PNPLA3: variants seen among roughly 807,000 people sequenced by gnomAD.
PNPLA3 encodes the protein patatin like domain 3, 1-acylglycerol-3-phosphate O-acyltransferase, also known as 1-acylglycerol-3-phosphate O-acyltransferase PNPLA3.
In PNPLA3, 42 loss-of-function variants were observed where a neutral mutation model predicts 43.1. That is an observed-to-expected ratio of 0.97 (90% CI 0.76 to 1.26). PNPLA3 has a LOEUF of 1.26. Ranked by LOEUF, PNPLA3 falls within the 50% of genes most tolerant of loss-of-function variation. The probability of loss-of-function intolerance (pLI) is 0.00; values close to 1 mark genes in which losing one functional copy is unlikely to be tolerated. For missense variants in PNPLA3, 647 were observed against 621.4 expected (o/e 1.04, Z -0.44); for synonymous variants, 272 against 253.6 (o/e 1.07, Z -0.69).
intron 5 of PNPLA3, among the ~76,000 whole-genome samples, chr22:43,934,948 C>T (rs554148005): frequency 1.3e-5 from 2 of 152,244 alleles, no homozygotes; most frequent in Admixed American, 6.5e-5. Context: ...CTCTCCCTCC[C>T]CAGGGTCCCC....
intron 7 of PNPLA3, among the ~76,000 whole-genome samples, chr22:43,941,719 C>T (rs921986023): frequency 6.6e-6 from 1 of 151,958 alleles, no homozygotes; most frequent in Non-Finnish European, 1.5e-5. Context: ...TGAGCCTCAG[C>T]GGTTTCATCC....
At chr22:43,930,876 G>T (rs755042312) in intron 3 of PNPLA3, among the ~76,000 whole-genome samples, 2 of 152,156 alleles carry the variant, frequency 1.3e-5, no homozygotes, top group Non-Finnish European at 2.9e-5. Flanking sequence ...TGTCAGAACT[G>T]GGGGAGTACC....
rs752036390 is a variant in PNPLA3, at chr22:43,923,907, C to T, written c.-5C>T. ...AACCCGCGCCCCCGCCCCGCCGCCG[C>T]CGCCATGTACGACGCAGAGCGCGGC... is the stretch of plus-strand genomic sequence containing the variant. On this transcript the variant is annotated 5_prime_UTR_variant, in exon 1 of 9. Coordinates refer to ENST00000216180, the MANE Select transcript of PNPLA3 (RefSeq NM_025225.3). 9.2e-6 allele frequency: 14 copies of T among 1,527,050 alleles called. No individual in the cohort carries two copies. In the Admixed American group the frequency reaches 1.2e-4, roughly 13 times the overall value. 94.6% of individuals were successfully genotyped at this position (1,527,050 alleles called of 1,614,324 possible).
chr22:43,937,218 A>G lies in PNPLA3; in HGVS notation c.925A>G (p.Ile309Val). ...DELLDHLRLSILPWDESILDT... is the reference protein window; with the variant it reads ...DELLDHLRLSVLPWDESILDT... Reference sequence around the variant, plus strand: ...GCTGCTAGACCACCTGCGTCTCAGCATCCTGCCCTGGGATGAGAGCATCCT... The same window carrying G: ...GCTGCTAGACCACCTGCGTCTCAGCGTCCTGCCCTGGGATGAGAGCATCCT... The change falls in exon 6 of 9, where the codon ATC (isoleucine) becomes GTC (valine). Residue 309 changes from isoleucine (I) to valine (V), a missense_variant. Physicochemically the swap from Ile to Val is conservative, Grantham distance 29. Coordinates refer to ENST00000216180, the MANE Select transcript of PNPLA3 (RefSeq NM_025225.3). 6.2e-7 allele frequency: 1 copy of G among 1,614,186 alleles called. No homozygotes were observed. Among genetic ancestry groups the G allele is most frequent in the Non-Finnish European group, 8.5e-7 (1 of 1,180,036 alleles).
chr22:43,927,162 G>A lies in PNPLA3; in HGVS notation c.415G>A (p.Val139Met), dbSNP rs139263664. 2.4e-5 allele frequency: 39 copies of A among 1,613,608 alleles called. No homozygotes were observed. The highest frequency in any genetic ancestry group is 3.3e-5 in the South Asian group (3 of 91,064). ...TGACTTTCGGTCCAAAGACGAAGTC[G>A]TGGATGTAAGCAGTTTGCTTATCTG... is the stretch of plus-strand genomic sequence containing the variant. ...VSDFRSKDEVVDALVCSCFIP... is the reference protein window; with the variant it reads ...VSDFRSKDEVMDALVCSCFIP... Residue 139 changes from valine to methionine, a missense_variant, in exon 2 of 9, where the codon GTG becomes ATG. Coordinates refer to ENST00000216180, the MANE Select transcript of PNPLA3 (RefSeq NM_025225.3).
chr22:43,937,085 A>G lies in PNPLA3; in HGVS notation c.792A>G (p.Ser264=). ...ICNRPQPGLK[S]SSEGMDPEVA... is the part of the protein sequence containing the mutation. Reference sequence around the variant, plus strand: ...ACAGGCCCCAGCCAGGCCTGAAGTCATCCTCAGAAGGGATGGATCCTGAGG... The same window carrying G: ...ACAGGCCCCAGCCAGGCCTGAAGTCGTCCTCAGAAGGGATGGATCCTGAGG... The change falls in exon 6 of 9, where the codon TCA becomes TCG. Residue 264 remains serine (S), a synonymous_variant. Coordinates refer to ENST00000216180, the MANE Select transcript of PNPLA3 (RefSeq NM_025225.3). The G allele has an allele frequency of 6.2e-7, 1 of 1,613,976 alleles. No homozygotes were observed. Among genetic ancestry groups the G allele is most frequent in the Non-Finnish European group, 8.5e-7 (1 of 1,180,022 alleles).
chr22:43,945,622 G>A (rs1031318084), intron 8 of PNPLA3, among the ~76,000 whole-genome samples: 2 of 152,190 alleles, frequency 1.3e-5, no homozygotes, highest in African/African-American at 4.8e-5. Flanking sequence ...GCAAAGATCC[G>A]ATTTGCTAGG....
At chr22:43,937,608 A>G (rs970634387) in intron 6 of PNPLA3, among the ~76,000 whole-genome samples, 1 of 152,026 alleles carries the variant, frequency 6.6e-6, no homozygotes, top group Non-Finnish European at 1.5e-5. Context: ...TCTCCCTAAC[A>G]TGGCACCTGA....
chr22:43,946,750 G>T lies in PNPLA3; in HGVS notation c.*368G>T. The T allele has an allele frequency of 3.8e-6, 2 of 530,664 alleles. No individual in the cohort carries two copies. Among genetic ancestry groups the T allele is most frequent in the South Asian group, 2.8e-5 (2 of 71,606 alleles). The allele number at this position is 530,664 out of a possible 1,614,324, so 32.9% of individuals were successfully genotyped here. A position where few individuals can be genotyped will look rare whatever the true frequency, so the allele number is the denominator to read the frequency against. ...GGGGCCTTGTGATGGGGGGTAGGCT[G>T]GCCCATGTGTGATCTTGTGGGGTGG... On this transcript the variant is annotated 3_prime_UTR_variant, in exon 9 of 9. Transcript: ENST00000216180.
chr22:43,939,195 G>T (rs755821823), intron 6 of PNPLA3: 3 of 182,456 alleles, frequency 1.6e-5, no homozygotes, highest in Non-Finnish European at 3.1e-5. Context: ...CAAAGTGCTG[G>T]GATGACAGGC....
At position 43,927,103 on chromosome 22, in the gene PNPLA3, C is replaced by T; in HGVS notation, c.356C>T (p.Thr119Ile). 6.2e-7 allele frequency: 1 copy of T among 1,614,242 alleles called. No homozygotes were observed. The highest frequency in any genetic ancestry group is 1.1e-5 in the South Asian group (1 of 91,088). ...TCCGGCAAAATAGGCATCTCTCTTA[C>T]CAGAGTGTCTGATGGGGAAAACGTT... ...LISGKIGISL[T>I]RVSDGENVLV... Residue 119 changes from threonine (T) to isoleucine (I), a missense_variant, in exon 2 of 9, where the codon ACC (threonine) becomes ATC (isoleucine). By Grantham distance (89) the Thr-to-Ile change is moderately conservative (BLOSUM62 -1). Transcript: ENST00000216180.
In PNPLA3 at chr22:43,947,453, C is replaced by T. The variant is rs2146795037; in HGVS notation, c.*1071C>T. On this transcript the variant is annotated 3_prime_UTR_variant, in exon 9 of 9. Coordinates refer to ENST00000216180, the MANE Select transcript of PNPLA3 (RefSeq NM_025225.3). ...AGCCAAGCACAGCAGGAGCTTCCGC[C>T]TCCTCTCCACTGGAGCACACAACTT... 1 of 157,644 alleles carries T rather than the reference C, an allele frequency of 6.3e-6. No individual in the cohort carries two copies. The highest frequency in any genetic ancestry group is 1.8e-4 in the East Asian group (1 of 5,624). 9.8% of individuals were successfully genotyped at this position (157,644 alleles called of 1,614,324 possible).
chr22:43,932,002 T>G (rs1232043861), intron 3 of PNPLA3, among the ~76,000 whole-genome samples: 1 of 152,168 alleles, frequency 6.6e-6, no homozygotes, highest in Non-Finnish European at 1.5e-5. Flanking sequence ...GCTCTGAAAT[T>G]CCTCCGTGTG....
At position 43,946,386 on chromosome 22, in the gene PNPLA3, A is replaced by G. The variant is rs751698167; in HGVS notation, c.*4A>G. 2.0e-5 allele frequency: 33 copies of G among 1,612,884 alleles called. No individual in the cohort carries two copies. In the African/African-American group the frequency reaches 4.1e-4, roughly 20 times the overall value. On this transcript the variant is annotated 3_prime_UTR_variant, in exon 9 of 9. Coordinates refer to ENST00000216180, the MANE Select transcript of PNPLA3 (RefSeq NM_025225.3). ...TTCACTAGAGAAGAGTCTGTGAGTC[A>G]CTTGAGGAGGCGAGTCTAGCAGATT...
chr22:43,935,454 G>A (rs1286421993), intron 5 of PNPLA3, among the ~76,000 whole-genome samples: 3 of 152,150 alleles, frequency 2.0e-5, no homozygotes, highest in East Asian at 1.9e-4. Flanking sequence ...AGGTGCCAAT[G>A]AGAAGGCACA....
chr22:43,927,921 G>A (rs1487444334), intron 2 of PNPLA3, among the ~76,000 whole-genome samples: 8 of 152,082 alleles, frequency 5.3e-5, no homozygotes, highest in Admixed American at 1.3e-4. Context: ...GCTCATGACC[G>A]TCCAGTCCAA....
intron 7 of PNPLA3, among the ~76,000 whole-genome samples, chr22:43,943,533 T>C (rs1330496371): frequency 6.6e-6 from 1 of 152,184 alleles, no homozygotes; most frequent in East Asian, 1.9e-4. Context: ...CCTCCCCTTC[T>C]GCCTGGGGTC....
chr22:43,942,794 C>T (rs2050039924), intron 7 of PNPLA3, among the ~76,000 whole-genome samples: 1 of 150,956 alleles, frequency 6.6e-6, no homozygotes, highest in Non-Finnish European at 1.5e-5. Context: ...CCTGAACCTC[C>T]CAGACTCAAG....
In PNPLA3 at chr22:43,946,308, T is replaced by C. The variant is rs745504551; in HGVS notation, c.1372T>C (p.Leu458=). Residue 458 remains leucine, a synonymous_variant, in exon 9 of 9, where the codon TTG becomes CTG. Coordinates refer to ENST00000216180, the MANE Select transcript of PNPLA3 (RefSeq NM_025225.3). ...CCTCAGGTCCAGCCTGAACTTCTTC[T>C]TGGGCAATAAAGTACCTGCTGGTGC... is the stretch of plus-strand genomic sequence containing the variant. ...SILRSSLNFF[L]GNKVPAGAEG... is the part of the protein sequence containing the mutation. 2 of 1,614,160 alleles carry C rather than the reference T, an allele frequency of 1.2e-6. No individual in the cohort carries two copies. Among genetic ancestry groups the C allele is most frequent in the Non-Finnish European group, 1.7e-6 (2 of 1,180,030 alleles).
Sources: allele counts gnomAD v4.1 joint callset (sites outside exome capture counted in the v4.1 genomes callset), GRCh38; gene constraint gnomAD v4.1.1; transcripts MANE v1.5; gene names NCBI Gene and HGNC (gene_info 2026-07-23, HGNC 2026-07-21).